Variants in SYBU observed in about 807,000 individuals in gnomAD.
SYBU encodes the protein GOLSYN A protein.
A neutral mutation model predicts 35.9 loss-of-function variants in SYBU; 21 were observed. The ratio of observed to expected loss-of-function variants is 0.58; its 90% CI spans 0.41 to 0.84. The LOEUF (loss-of-function observed/expected upper bound fraction) is 0.84, where lower values mean the gene tolerates loss of function less well. Among genes scored for constraint, SYBU ranks in the 40% least tolerant of loss-of-function variants. The pLI is 0.00. For synonymous variants in SYBU, 319 were observed against 324.3 expected (o/e 0.98, Z 0.18); for missense variants, 768 against 848.2 (o/e 0.91, Z 1.17).
chr8:109,635,265 G>A (rs983410554), intron 2 of SYBU, among the ~76,000 whole-genome samples: 5 of 152,114 alleles, frequency 3.3e-5, no homozygotes, highest in African/African-American at 4.8e-5. Flanking sequence ...TTAATCTTGC[G>A]GTGATACCTA....
intron 2 of SYBU, among the ~76,000 whole-genome samples, chr8:109,640,606 A>G (rs915325275): frequency 9.2e-5 from 14 of 152,192 alleles, no homozygotes; most frequent in African/African-American, 3.1e-4. Flanking sequence ...TCTAGATTCT[A>G]GGAATACTAA....
At chr8:109,660,466 G>A (rs992642186) in intron 1 of SYBU, among the ~76,000 whole-genome samples, 3 of 152,042 alleles carry the variant, frequency 2.0e-5, no homozygotes, top group Admixed American at 1.3e-4. Flanking sequence ...CAAAGCTAAG[G>A]TTTATTTTCT....
chr8:109,652,627 T>C (rs1337588231), intron 1 of SYBU, among the ~76,000 whole-genome samples: 3 of 152,212 alleles, frequency 2.0e-5, no homozygotes, highest in Non-Finnish European at 4.4e-5. Flanking sequence ...CTGCCACCTA[T>C]GGATTTGTTC....
chr8:109,642,886 C>G lies in SYBU; in HGVS notation c.71G>C (p.Arg24Pro). 6.3e-7 allele frequency: 1 copy of G among 1,587,954 alleles called. No individual in the cohort carries two copies. Among genetic ancestry groups the G allele is most frequent in the South Asian group, 1.1e-5 (1 of 87,632 alleles). The part of the protein sequence containing the change: ...QHHDKEISRS[R>P]IPRLILRPHM... The stretch of plus-strand genomic sequence containing the variant: ...GGGCCGAAGAATCAACCGGGGAATT[C>G]GGCTTCGAGAAATCTCCTTGTCATG... Residue 24 changes from arginine (R) to proline (P), a missense_variant, in exon 2 of 7, where the codon CGA becomes CCA. By Grantham distance (103) the Arg-to-Pro change is moderately radical. Transcript: ENST00000276646.
In SYBU at chr8:109,691,432, G is replaced by A. The variant is rs575779405; in HGVS notation, c.-157C>T. 5 of 671,646 alleles carry A rather than the reference G, an allele frequency of 7.4e-6. No individual in the cohort carries two copies. The East Asian group carries it at 1.2e-4, about 16-fold the overall frequency. The allele number at this position is 671,646 out of a possible 1,614,324, so 41.6% of individuals were successfully genotyped here. A position where few individuals can be genotyped will look rare whatever the true frequency, so the allele number is the denominator to read the frequency against. ...GGCTGGGCCGGGTGCCGGTGCGGAC[G>A]GGACCCCGCGTCGCTGCTGGTTTGC... On this transcript the variant is annotated 5_prime_UTR_variant, in exon 1 of 8. Transcript: ENST00000422135. The surrounding 1 kb of genome is among the most constrained non-coding windows in gnomAD (Gnocchi z 4.7).
intron 2 of SYBU, among the ~76,000 whole-genome samples, chr8:109,631,121 G>A (rs1813579802): frequency 6.6e-6 from 1 of 152,170 alleles, no homozygotes; most frequent in Admixed American, 6.5e-5. Flanking sequence ...TTTTGGAGAG[G>A]TTTTGCCATG....
Position 109,579,913 on chromosome 8 carries a change from A to G in SYBU, c.620T>C (p.Met207Thr). ...AGGGCTCAGCTGATTCCTGCACAGC[A>G]TGGACAGAAGGTCCTTTTCCCGCGG... is the stretch of plus-strand genomic sequence containing the variant. ...SSPREKDLLS[M>T]LCRNQLSPVN... The change falls in exon 5 of 7, where the codon ATG becomes ACG. Residue 207 changes from methionine to threonine, a missense_variant. By Grantham distance (81) the Met-to-Thr change is moderately conservative (BLOSUM62 -1). Coordinates refer to ENST00000276646, the MANE Select transcript of SYBU (RefSeq NM_001099754.2). 6.2e-7 allele frequency: 1 copy of G among 1,614,052 alleles called. No individual in the cohort carries two copies. The highest frequency in any genetic ancestry group is 1.3e-5 in the African/African-American group (1 of 75,026).
intron 1 of SYBU, among the ~76,000 whole-genome samples, chr8:109,650,530 G>A (rs941383205): frequency 6.6e-6 from 1 of 152,160 alleles, no homozygotes; most frequent in Non-Finnish European, 1.5e-5. Flanking sequence ...GGGGTCACTG[G>A]TGCAGTTGTA....
At chr8:109,608,073 C>T (rs1826252973) in intron 3 of SYBU, 2 of 873,238 alleles carry the variant, frequency 2.3e-6, no homozygotes, top group Non-Finnish European at 3.4e-6. Flanking sequence ...GAGCCTTCTG[C>T]ATGTGCAGGG....
intron 3 of SYBU, among the ~76,000 whole-genome samples, chr8:109,612,466 T>C (rs1338668578): frequency 6.6e-6 from 1 of 152,230 alleles, no homozygotes; most frequent in African/African-American, 2.4e-5. Context: ...TGCCAAAGTA[T>C]GCAGAATGTT....
chr8:109,624,652 A>G (rs1308651846), intron 2 of SYBU, among the ~76,000 whole-genome samples: 2 of 152,128 alleles, frequency 1.3e-5, no homozygotes, highest in African/African-American at 4.8e-5. Flanking sequence ...GGCATGCAGC[A>G]CTCCCTATGA....
At chr8:109,675,020 A>G (rs1370211176) in intron 1 of SYBU, among the ~76,000 whole-genome samples, 2 of 152,238 alleles carry the variant, frequency 1.3e-5, no homozygotes, top group Admixed American at 6.5e-5. Flanking sequence ...GAAACTGAAC[A>G]ACCTGCTCCT....
At chr8:109,685,318 C>T (rs1169324401), upstream of SYBU, among the ~76,000 whole-genome samples, 1 of 152,180 alleles carries the variant, frequency 6.6e-6, no homozygotes, top group African/African-American at 2.4e-5. Flanking sequence ...ATTTCTGTAA[C>T]ATAATAATTA....
chr8:109,660,333 C>T (rs1244175906), intron 1 of SYBU, among the ~76,000 whole-genome samples: 2 of 152,110 alleles, frequency 1.3e-5, no homozygotes, highest in Non-Finnish European at 2.9e-5. Context: ...ATTATTTATA[C>T]ATATTGGAGA....
In SYBU at chr8:109,611,527, C is replaced by T. The variant is rs957972083; in HGVS notation, c.427+7315G>A. On this transcript the variant is annotated intron_variant, in intron 3 of 6. Coordinates refer to ENST00000276646, the MANE Select transcript of SYBU (RefSeq NM_001099754.2). The stretch of plus-strand genomic sequence containing the variant: ...GGAGATGTGATAAACTATAAAATGG[C>T]CTGCCATAAAACATGATCTGCTGTA... Among the ~76,000 whole-genome samples the T allele has an allele frequency of 9.2e-5, 14 of 152,242 alleles. No individual in the cohort carries two copies. The East Asian group carries it at 2.7e-3, about 29-fold the overall frequency.
intron 1 of SYBU, among the ~76,000 whole-genome samples, chr8:109,675,142 G>A (rs1392837161): frequency 6.6e-6 from 1 of 152,164 alleles, no homozygotes; most frequent in Non-Finnish European, 1.5e-5. Flanking sequence ...CTAAAGCAGT[G>A]TGTAGAGGGA....
In SYBU at chr8:109,577,723, C is replaced by G. The variant is rs1310155445; in HGVS notation, c.884+145G>C. 6 of 896,146 alleles carry G rather than the reference C, an allele frequency of 6.7e-6. No homozygotes were observed. The Admixed American group carries it at 8.6e-5, about 13-fold the overall frequency. The allele number at this position is 896,146 out of a possible 1,614,324, so 55.5% of individuals were successfully genotyped here. On this transcript the variant is annotated intron_variant, in intron 6 of 6. Coordinates refer to ENST00000276646, the MANE Select transcript of SYBU (RefSeq NM_001099754.2). ...TATCACACAGAGTTATGAAATGACT[C>G]TTTTCAGAGGCTGACTTTAAAAATT...
In SYBU at chr8:109,642,133, G is replaced by C. The variant is rs1201180472; in HGVS notation, c.229+595C>G. Among the ~76,000 whole-genome samples, 4 of 152,170 alleles carry C rather than the reference G, an allele frequency of 2.6e-5. No homozygotes were observed. In the East Asian group the frequency reaches 7.7e-4, roughly 29 times the overall value. On this transcript the variant is annotated intron_variant, in intron 2 of 6. Coordinates refer to ENST00000276646, the MANE Select transcript of SYBU (RefSeq NM_001099754.2). ...GGAATACTATGCAGCCACAGAAAAG[G>C]ATGAATTCATGTCCTTTGCAGGGAC...
intron 1 of SYBU, among the ~76,000 whole-genome samples, chr8:109,671,978 T>C (rs960142589): frequency 6.6e-6 from 1 of 152,176 alleles, no homozygotes; most frequent in Non-Finnish European, 1.5e-5. Context: ...CTCAGCTCAT[T>C]GCAATCTCTG....
Sources: allele counts gnomAD v4.1 joint callset (sites outside exome capture counted in the v4.1 genomes callset), GRCh38; gene constraint gnomAD v4.1.1; non-coding constraint Gnocchi (gnomAD v3.1); transcripts MANE v1.5; gene names NCBI Gene and HGNC (gene_info 2026-07-23, HGNC 2026-07-21).